Variants in MYO1H observed in about 807,000 individuals in gnomAD.
MYO1H encodes the protein myosin IH.
Under a neutral mutation model 149.3 loss-of-function variants are expected in MYO1H, and 118 were observed. That is an observed-to-expected ratio of 0.79 (90% CI 0.68 to 0.92). The LOEUF (loss-of-function observed/expected upper bound fraction) is 0.92. Among genes scored for constraint, MYO1H ranks in the 40% least tolerant of loss-of-function variants. The pLI, the probability that MYO1H is intolerant of heterozygous loss-of-function variation, is 0.00. For missense variants in MYO1H, 1,212 were observed against 1,280.7 expected (o/e 0.95, Z 0.82); for synonymous variants, 447 against 465.2 (o/e 0.96, Z 0.50).
the MYO1H span, among the ~76,000 whole-genome samples, chr12:109,316,625 G>A: frequency 6.6e-6 from 1 of 152,162 alleles, no homozygotes; most frequent in East Asian, 1.9e-4. Flanking sequence ...TAATCCCATA[G>A]GGATGGGGTA....
chr12:109,411,120 C>T lies in MYO1H; in HGVS notation c.1410+352C>T, dbSNP rs531321180. Among the ~76,000 whole-genome samples the T allele has an allele frequency of 6.6e-5, 10 of 152,078 alleles. No homozygotes were observed. In the East Asian group the frequency reaches 9.7e-4, roughly 15 times the overall value. Reference sequence around the variant, plus strand: ...TCATACCACTGCGCTCCAGCCTGGGCGACAGAGGGAGACTCCATCTCAAAA... The same window carrying T: ...TCATACCACTGCGCTCCAGCCTGGGTGACAGAGGGAGACTCCATCTCAAAA... On this transcript the variant is annotated intron_variant, in intron 13 of 31. Transcript: ENST00000310903.
Position 109,443,276 on chromosome 12 carries a change from A to ATATGTGTACGTATATGTGTGTGTG in MYO1H, c.2689-223_2689-222insGTGTGTGTGTATGTGTACGTATAT, listed in dbSNP as rs1872307624. On this transcript the variant is annotated intron_variant, in intron 27 of 31. Transcript: ENST00000310903. ...TATATGTGTACGTATATGTGTGTGT[A>ATATGTGTACGTATATGTGTGTGTG]TATGTGTACGTATATATGTGTGTAT... is the stretch of plus-strand genomic sequence containing the variant. 2.2e-5 allele frequency among the ~76,000 whole-genome samples: 3 copies of ATATGTGTACGTATATGTGTGTGTG among 136,720 alleles called. 1 individual carries two copies. Among genetic ancestry groups the ATATGTGTACGTATATGTGTGTGTG allele is most frequent in the African/African-American group, 8.1e-5 (3 of 37,224 alleles). The allele number at this position is 136,720 out of a possible 152,430, so 89.7% of individuals were successfully genotyped here. A position where few individuals can be genotyped will look rare whatever the true frequency, so the allele number is the denominator to read the frequency against.
intron 1 of MYO1H, among the ~76,000 whole-genome samples, chr12:109,365,189 T>C (rs1868842039): frequency 2.6e-5 from 4 of 152,060 alleles, no homozygotes; most frequent in South Asian, 2.1e-4. Flanking sequence ...GGCAGGAGGA[T>C]CACTTGAATC....
the MYO1H span, among the ~76,000 whole-genome samples, chr12:109,319,387 CAAATT>C: frequency 6.6e-6 from 1 of 152,012 alleles, no homozygotes; most frequent in East Asian, 1.9e-4. Flanking sequence ...GACTCAGAAA[CAAATT>C]AGAATGGTAG....
intron 1 of MYO1H, among the ~76,000 whole-genome samples, chr12:109,370,863 C>T (rs1432735449): frequency 6.6e-6 from 1 of 152,144 alleles, no homozygotes; most frequent in East Asian, 1.9e-4. Context: ...AAGACTTACC[C>T]CTGAGAGGCT....
At chr12:109,340,032 A>G in the MYO1H span, among the ~76,000 whole-genome samples, 1 of 152,160 alleles carries the variant, frequency 6.6e-6, no homozygotes, top group African/African-American at 2.4e-5. Flanking sequence ...TTATAGTATT[A>G]ATAGCAAAAC....
intron 28 of MYO1H, 138 bp downstream of exon 28, chr12:109,443,787 C>A: frequency 1.1e-6 from 1 of 884,710 alleles, no homozygotes; most frequent in Non-Finnish European, 1.7e-6. Flanking sequence ...CCTGTAGTCT[C>A]AGCTACTCGG....
At chr12:109,441,567 A>G (rs1226879259) in intron 25 of MYO1H, 48 bp from the exon 26 acceptor site, 1 of 1,354,644 alleles carries the variant, frequency 7.4e-7, no homozygotes, top group African/African-American at 1.4e-5. Context: ...TTCTATCCCA[A>G]AGAAGCCTGT....
chr12:109,417,805 T>G (rs757027983), intron 15 of MYO1H, among the ~76,000 whole-genome samples: 46 of 150,288 alleles, frequency 3.1e-4, no homozygotes, highest in Non-Finnish European at 3.2e-4. Context: ...AGATTGGGTT[T>G]TTTTGTTTTG....
chr12:109,368,623 A>C (rs1475854214), intron 1 of MYO1H, among the ~76,000 whole-genome samples: 1 of 145,142 alleles, frequency 6.9e-6, no homozygotes, highest in Non-Finnish European at 1.5e-5. Flanking sequence ...CCTGGGCAAC[A>C]AAGCAAGACT....
chr12:109,391,251 G>T (rs1183048042), intron 2 of MYO1H, among the ~76,000 whole-genome samples: 2 of 151,726 alleles, frequency 1.3e-5, no homozygotes, highest in Admixed American at 6.6e-5. Flanking sequence ...AGCCCCAATG[G>T]GTGTTGTTCC....
intron 22 of MYO1H, among the ~76,000 whole-genome samples, chr12:109,437,933 CA>C (rs113639230): frequency 0.1 from 15,264 of 150,248 alleles, 1,031 homozygotes; most frequent in African/African-American, 0.18. Context: ...ACTAAAAATA[CA>C]AAAAAAAATT....
chr12:109,440,469 T>C (rs948771562), intron 24 of MYO1H: 9 of 404,078 alleles, frequency 2.2e-5, no homozygotes, highest in African/African-American at 1.9e-4. Context: ...GGCTCCACTT[T>C]GGACCCACTG....
At position 109,385,536 on chromosome 12, in the gene MYO1H, G is replaced by A. The variant is rs180876414; in HGVS notation, c.13-3147G>A. ...TCAAACTCCTGGGCTCAAGTGATCC[G>A]CCTGCCTTGGCCTCCCAAAGTGCCA... On this transcript the variant is annotated intron_variant, in intron 1 of 31. Transcript: ENST00000310903. Among the ~76,000 whole-genome samples the A allele has an allele frequency of 1.4e-3, 216 of 152,164 alleles. 2 individuals carry two copies. The highest frequency in any genetic ancestry group is 4.9e-3 in the African/African-American group (203 of 41,522).
chr12:109,409,240 C>CTTTTTTTTTTTT (rs1870542742), intron 10 of MYO1H, among the ~76,000 whole-genome samples: 1 of 91,034 alleles, frequency 1.1e-5, no homozygotes, highest in Non-Finnish European at 2.0e-5. Flanking sequence ...TCTTCTTCTT[C>CTTTTTTTTTTTT]TTCTTCTTTT....
intron 1 of MYO1H, among the ~76,000 whole-genome samples, chr12:109,357,629 A>T (rs1566017701): frequency 6.6e-6 from 1 of 152,124 alleles, no homozygotes; most frequent in Non-Finnish European, 1.5e-5. Context: ...TTCTCATGCC[A>T]TGAAATACTA....
rs11611277 is a variant in MYO1H at position 109,388,829 on chromosome 12, C to T, written c.159C>T (p.Ser53=). ...TCGACAACCTCCGCAAGCGTTTCAG[C>T]GAGAACCTCATATACGTAACGTGAC... is the stretch of plus-strand genomic sequence containing the variant. The change falls in exon 2 of 32, where the codon AGC becomes AGT. Residue 53 remains serine (S), a synonymous_variant. Transcript: ENST00000310903. The T allele has an allele frequency of 2.0e-4, 327 of 1,611,260 alleles. 5 individuals carry two copies. In the South Asian group the frequency reaches 3.5e-3, roughly 17 times the overall value.
chr12:109,360,645 G>C lies in MYO1H; in HGVS notation c.12+12673G>C, dbSNP rs534033922. On this transcript the variant is annotated intron_variant, in intron 1 of 31. Coordinates refer to ENST00000310903, the Ensembl canonical transcript of MYO1H. ...AAATATTTCCTTGGTCCTTATGGAA[G>C]ATGTGTGAACTGGAGTCAAAAAAAT... Among the ~76,000 whole-genome samples the C allele has an allele frequency of 2.0e-5, 3 of 151,678 alleles. No homozygotes were observed. The East Asian group carries it at 5.9e-4, about 30-fold the overall frequency.
At chr12:109,407,624 C>T (rs900399663) in intron 9 of MYO1H, among the ~76,000 whole-genome samples, 170 bp from the exon 10 acceptor site, 5 of 141,610 alleles carry the variant, frequency 3.5e-5, no homozygotes, top group East Asian at 2.0e-4. Context: ...AAAAAAAAAG[C>T]GAGGCATGGT....
Sources: gnomAD v4.1 joint callset for allele counts (sites outside exome capture counted in the v4.1 genomes callset) on GRCh38, gnomAD v4.1.1 for gene constraint, MANE v1.5 for transcripts, NCBI Gene and HGNC (gene_info 2026-07-23, HGNC 2026-07-21) for gene names.